The following DACH1 variants were observed in gnomAD, a reference collection of about 807,000 sequenced individuals.
DACH1 encodes dachshund homolog 1.
DACH1 carries 12 observed loss-of-function variants against 54.2 expected under a neutral mutation model. That is an observed-to-expected ratio of 0.22 (90% confidence interval 0.14 to 0.36). The LOEUF is 0.36. DACH1 is among the 10% of genes least tolerant of loss of function. The probability of loss-of-function intolerance (pLI) is 1.00; values close to 1 mark genes in which losing one functional copy is unlikely to be tolerated. For missense variants in DACH1, 805 were observed against 929.8 expected, an observed-to-expected ratio of 0.87 and a Z score of 1.75; for synonymous variants, 386 against 366.2, an observed-to-expected ratio of 1.05 and a Z score of -0.62.
chr13:71,717,970 T>C (rs1223255571), intron 1 of DACH1, among the ~76,000 whole-genome samples: 2 of 151,982 alleles, frequency 1.3e-5, no homozygotes, highest in Admixed American at 6.6e-5. Flanking sequence ...TGAGAGCATG[T>C]CACTCTCATT....
chr13:71,796,811 G>T (rs1259041980), intron 1 of DACH1, among the ~76,000 whole-genome samples: 6 of 151,976 alleles, frequency 3.9e-5, no homozygotes, highest in African/African-American at 7.2e-5. Flanking sequence ...AGTAAACTTT[G>T]CCTTGTAGAA....
At chr13:71,687,753 C>A (rs1339029784) in intron 1 of DACH1, among the ~76,000 whole-genome samples, 1 of 152,080 alleles carries the variant, frequency 6.6e-6, no homozygotes, top group African/African-American at 2.4e-5. Context: ...GGACTACAGG[C>A]ACACACCACT....
At chr13:71,607,942 C>A (rs569131796) in intron 3 of DACH1, among the ~76,000 whole-genome samples, 6 of 151,788 alleles carry the variant, frequency 4.0e-5, no homozygotes, top group Non-Finnish European at 8.8e-5. Flanking sequence ...TACTGATGCC[C>A]AGAACGCTTA....
chr13:71,786,134 A>C (rs1886581906), intron 1 of DACH1, among the ~76,000 whole-genome samples: 1 of 152,222 alleles, frequency 6.6e-6, no homozygotes, highest in Admixed American at 6.5e-5. Context: ...AGAAAAAAAT[A>C]ATACTAAGGC....
chr13:71,684,189 C>G (rs1325998341), intron 1 of DACH1, among the ~76,000 whole-genome samples: 2 of 152,118 alleles, frequency 1.3e-5, no homozygotes, highest in African/African-American at 2.4e-5. Context: ...GACACACATT[C>G]AATTTTGTCC....
At chr13:71,650,337 G>A (rs1013087698) in intron 2 of DACH1, among the ~76,000 whole-genome samples, 1 of 152,098 alleles carries the variant, frequency 6.6e-6, no homozygotes, top group African/African-American at 2.4e-5. Flanking sequence ...TACATAAGCA[G>A]TACTTGGTAT....
In DACH1 at chr13:71,785,918, G is replaced by A. The variant is rs1277493654; in HGVS notation, c.848+80004C>T. Among the ~76,000 whole-genome samples the A allele has an allele frequency of 2.0e-5, 3 of 152,128 alleles. No individual in the cohort carries two copies. The South Asian group carries it at 6.2e-4, about 32-fold the overall frequency. On this transcript the variant is annotated intron_variant, in intron 1 of 10. Transcript: ENST00000613252. ...CCCACTGCTATTCTTGGACAGGCAGGGTCCTCTCAACTCACTAGCAAGCAA... is the reference window on the plus strand; with the variant it reads ...CCCACTGCTATTCTTGGACAGGCAGAGTCCTCTCAACTCACTAGCAAGCAA...
At chr13:71,508,834 A>T (rs997027256) in intron 6 of DACH1, among the ~76,000 whole-genome samples, 1 of 152,150 alleles carries the variant, frequency 6.6e-6, no homozygotes, top group African/African-American at 2.4e-5. Context: ...CACCCTAAGC[A>T]TATTAAAAAT....
At chr13:71,719,106 T>C (rs1298732381) in intron 1 of DACH1, among the ~76,000 whole-genome samples, 1 of 152,206 alleles carries the variant, frequency 6.6e-6, no homozygotes, top group Non-Finnish European at 1.5e-5. Context: ...CACATCTTAG[T>C]ATTTTGCTTT....
intron 1 of DACH1, among the ~76,000 whole-genome samples, chr13:71,688,313 A>C (rs1023931951): frequency 1.4e-4 from 21 of 152,222 alleles, no homozygotes; most frequent in Admixed American, 2.0e-4. Context: ...TTATCAATGC[A>C]TAGTTTTCCC....
At chr13:71,508,881 T>C (rs913786538) in intron 6 of DACH1, among the ~76,000 whole-genome samples, 7 of 152,174 alleles carry the variant, frequency 4.6e-5, no homozygotes, top group Non-Finnish European at 1.0e-4. Flanking sequence ...TGCATTTCAC[T>C]ATTATCATCT....
At chr13:71,746,913 A>T (rs1884624026) in intron 1 of DACH1, among the ~76,000 whole-genome samples, 1 of 152,082 alleles carries the variant, frequency 6.6e-6, no homozygotes, top group Non-Finnish European at 1.5e-5. Context: ...TGCCAAAAAT[A>T]TTCAGCTTGA....
At chr13:71,508,132 T>C (rs1424596416) in intron 6 of DACH1, among the ~76,000 whole-genome samples, 1 of 152,204 alleles carries the variant, frequency 6.6e-6, no homozygotes, top group Admixed American at 6.5e-5. Flanking sequence ...TCACTGCAAG[T>C]GAACTGTGCC....
At chr13:71,596,104 A>ATT (rs112792537) in intron 3 of DACH1, among the ~76,000 whole-genome samples, 3,462 of 149,840 alleles carry the variant, frequency 0.023, 40 homozygotes, top group Middle Eastern at 0.076. Context: ...ACATATATGT[A>ATT]TTTTTTTTTT....
intron 2 of DACH1, among the ~76,000 whole-genome samples, chr13:71,641,647 A>G (rs998598332): frequency 6.6e-6 from 1 of 152,154 alleles, no homozygotes; most frequent in Non-Finnish European, 1.5e-5. Context: ...GGAAGATTCA[A>G]ATGAAATATG....
At chr13:71,617,242 T>C (rs956009941) in intron 3 of DACH1, among the ~76,000 whole-genome samples, 1 of 152,198 alleles carries the variant, frequency 6.6e-6, no homozygotes, top group African/African-American at 2.4e-5. Context: ...TTCTTAGAAC[T>C]CATGCTGGAT....
rs370394926 is a variant in DACH1 at position 71,594,783 on chromosome 13, A to G, written c.1127-21771T>C. Among the ~76,000 whole-genome samples, 5 of 152,166 alleles carry G rather than the reference A, an allele frequency of 3.3e-5. 1 individual carries two copies. The highest frequency in any genetic ancestry group is 1.9e-4 in the East Asian group (1 of 5,168). ...ATCTGTTTTGCAGTATTATTTTTTC[A>G]TATGTTTCTGTGCCTCAAAACATAT... On this transcript the variant is annotated intron_variant, in intron 3 of 10. Transcript: ENST00000613252.
intron 1 of DACH1, among the ~76,000 whole-genome samples, chr13:71,731,846 A>G (rs1370778764): frequency 1.3e-5 from 2 of 152,228 alleles, no homozygotes; most frequent in African/African-American, 2.4e-5. Context: ...TAAGGATCCA[A>G]TGGAATAACT....
At chr13:71,726,706 T>A (rs1883482874) in intron 1 of DACH1, among the ~76,000 whole-genome samples, 2 of 152,044 alleles carry the variant, frequency 1.3e-5, no homozygotes, top group Admixed American at 1.3e-4. Flanking sequence ...CATTAAGTAT[T>A]GTCTAGAGAG....
Sources: allele counts gnomAD v4.1 joint callset (sites outside exome capture counted in the v4.1 genomes callset), GRCh38; gene constraint gnomAD v4.1.1; transcripts MANE v1.5; gene names NCBI Gene and HGNC (gene_info 2026-07-23, HGNC 2026-07-21).